Variants in RBFOX1 observed in about 807,000 individuals in gnomAD.
RBFOX1 encodes the protein RNA binding fox-1 homolog 1.
In RBFOX1, 8 loss-of-function variants were observed where a neutral mutation model predicts 57.7. The ratio of observed to expected loss-of-function variants is 0.14; its 90% CI spans 0.08 to 0.25. RBFOX1 has a LOEUF of 0.25. RBFOX1 is among the 10% of genes least tolerant of loss of function. RBFOX1 has a pLI of 1.00. For missense variants in RBFOX1, 611 were observed against 548.5 expected, an observed-to-expected ratio of 1.11 and a Z score of -1.14; for synonymous variants, 326 against 222.4, an observed-to-expected ratio of 1.47 and a Z score of -4.15.
At chr16:5,393,017 C>G (rs1303307008) in intron 1 of RBFOX1, among the ~76,000 whole-genome samples, 1 of 152,048 alleles carries the variant, frequency 6.6e-6, no homozygotes, top group Admixed American at 6.6e-5. Flanking sequence ...AGACATTAGA[C>G]CTTTGAGAAG....
chr16:5,586,343 G>A (rs568368386), intron 2 of RBFOX1, among the ~76,000 whole-genome samples: 4 of 152,170 alleles, frequency 2.6e-5, no homozygotes, highest in Non-Finnish European at 5.9e-5. Context: ...TGTTTTTAAA[G>A]CTCGCTGGGT....
At chr16:5,914,980 A>G (rs2058675260) in intron 4 of RBFOX1, among the ~76,000 whole-genome samples, 1 of 152,260 alleles carries the variant, frequency 6.6e-6, no homozygotes, top group African/African-American at 2.4e-5. Flanking sequence ...TTTATCACCT[A>G]CTATTGTGAT....
intron 2 of RBFOX1, among the ~76,000 whole-genome samples, chr16:6,366,090 T>TGC (rs949294702): frequency 7.2e-6 from 1 of 139,132 alleles, no homozygotes; most frequent in African/African-American, 3.0e-5. Context: ...ATTCTATGTG[T>TGC]GTGTGTGTGT....
chr16:7,104,490 A>G (rs965748926), intron 4 of RBFOX1, among the ~76,000 whole-genome samples: 1 of 152,178 alleles, frequency 6.6e-6, no homozygotes, highest in African/African-American at 2.4e-5. Context: ...ATTTAAAAAC[A>G]TAATCTATTC....
At chr16:7,473,594 A>T (rs891537629) in intron 4 of RBFOX1, among the ~76,000 whole-genome samples, 1 of 151,564 alleles carries the variant, frequency 6.6e-6, no homozygotes, top group Admixed American at 6.6e-5. Context: ...TTTACCTGCT[A>T]CCCATATTAT....
chr16:6,362,710 C>G (rs1172481245), intron 2 of RBFOX1, among the ~76,000 whole-genome samples: 1 of 152,200 alleles, frequency 6.6e-6, no homozygotes, highest in Non-Finnish European at 1.5e-5. Context: ...TTGGTAATCA[C>G]AAGTTCCTGT....
intron 4 of RBFOX1, among the ~76,000 whole-genome samples, chr16:5,906,692 C>T (rs1234154106): frequency 6.6e-6 from 1 of 150,756 alleles, no homozygotes; most frequent in East Asian, 1.9e-4. Context: ...GCTGACCACA[C>T]TCCCAGCAGC....
In RBFOX1 at chr16:5,251,373, C is replaced by T. The variant is rs190035102; in HGVS notation, c.219+11268C>T. On this transcript the variant is annotated intron_variant, in intron 1 of 2. Transcript: ENST00000585867. Reference sequence around the variant, plus strand: ...GCACGTTCACGGCGCCGGCCTTGTGCGCAGTCAGCACGTGTGGGGCAGGGC... The same window carrying T: ...GCACGTTCACGGCGCCGGCCTTGTGTGCAGTCAGCACGTGTGGGGCAGGGC... Among the ~76,000 whole-genome samples, 9 of 152,348 alleles carry T rather than the reference C, an allele frequency of 5.9e-5. No homozygotes were observed. The South Asian group carries it at 1.0e-3, about 18-fold the overall frequency.
At chr16:7,244,247 C>CAAAAAAAAA (rs60054791) in intron 4 of RBFOX1, among the ~76,000 whole-genome samples, 3 of 99,228 alleles carry the variant, frequency 3.0e-5, no homozygotes, top group African/African-American at 1.0e-4. Context: ...CAAAGTATTC[C>CAAAAAAAAA]AAAAAAAAAA....
intron 4 of RBFOX1, among the ~76,000 whole-genome samples, chr16:5,999,725 G>C (rs1202918793): frequency 3.9e-5 from 6 of 151,956 alleles, no homozygotes; most frequent in African/African-American, 1.4e-4. Context: ...GCCGGGCTTG[G>C]TGGCGGGCGC....
intron 4 of RBFOX1, among the ~76,000 whole-genome samples, chr16:7,103,639 G>GT (rs939868165): frequency 2.2e-4 from 33 of 152,110 alleles, no homozygotes; most frequent in African/African-American, 7.2e-4. Flanking sequence ...GCAGTTTATA[G>GT]TTTTTTGTTA....
At chr16:5,993,409 G>C (rs992342410) in intron 4 of RBFOX1, among the ~76,000 whole-genome samples, 32 of 151,848 alleles carry the variant, frequency 2.1e-4, no homozygotes, top group African/African-American at 7.5e-4. Context: ...CAGAGAGAGA[G>C]AGAGAGAGAG....
intron 1 of RBFOX1, among the ~76,000 whole-genome samples, chr16:6,218,922 G>C (rs557048466): frequency 6.6e-6 from 1 of 151,884 alleles, no homozygotes; most frequent in South Asian, 2.1e-4. Context: ...CTGCATGCAA[G>C]TATGAATAGG....
chr16:5,660,341 C>T (rs541929052), intron 3 of RBFOX1, among the ~76,000 whole-genome samples: 14 of 152,242 alleles, frequency 9.2e-5, no homozygotes, highest in Admixed American at 7.2e-4. Flanking sequence ...TCCTCTCCCT[C>T]GCGTTTTCGG....
At chr16:5,453,848 C>T (rs2068501875) in intron 1 of RBFOX1, among the ~76,000 whole-genome samples, 1 of 152,158 alleles carries the variant, frequency 6.6e-6, no homozygotes, top group Admixed American at 6.5e-5. Flanking sequence ...GGTAAGTTCT[C>T]ATGCAGAAGG....
At chr16:6,048,210 G>C (rs2095515344) in intron 1 of RBFOX1, among the ~76,000 whole-genome samples, 1 of 152,166 alleles carries the variant, frequency 6.6e-6, no homozygotes, top group South Asian at 2.1e-4. Flanking sequence ...GCTCAGGAAG[G>C]ATCCTTGGCC....
chr16:5,737,855 T>A (rs13338290), intron 3 of RBFOX1, among the ~76,000 whole-genome samples: 37,592 of 152,106 alleles, frequency 0.25, 5,167 homozygotes, highest in East Asian at 0.56. Flanking sequence ...CTTTTATTTT[T>A]ATTTATTTTT....
At chr16:5,413,276 C>T (rs2067072654) in intron 1 of RBFOX1, among the ~76,000 whole-genome samples, 1 of 152,164 alleles carries the variant, frequency 6.6e-6, no homozygotes, top group South Asian at 2.1e-4. Context: ...AAGGCATCCA[C>T]AGCATTCTCC....
chr16:5,826,280 T>C (rs1427607479), intron 3 of RBFOX1, among the ~76,000 whole-genome samples: 3 of 152,070 alleles, frequency 2.0e-5, no homozygotes, highest in African/African-American at 4.8e-5. Context: ...ACCTGAAATA[T>C]ACTGTGCCCC....
Sources: gnomAD v4.1 joint callset for allele counts (sites outside exome capture counted in the v4.1 genomes callset) on GRCh38, gnomAD v4.1.1 for gene constraint, MANE v1.5 for transcripts, NCBI Gene and HGNC (gene_info 2026-07-23, HGNC 2026-07-21) for gene names.